Variants in IFT57 observed in about 807,000 individuals in gnomAD.
IFT57 encodes intraflagellar transport 57.
Under a neutral mutation model 56.8 loss-of-function variants are expected in IFT57, and 59 were observed. That is an observed-to-expected ratio of 1.04 (90% CI 0.84 to 1.29). The LOEUF is 1.29. Among genes scored for constraint, IFT57 ranks in the 50% most tolerant of loss-of-function variants. The pLI is 0.00. For missense variants in IFT57, 470 were observed against 522.1 expected (o/e 0.90, Z 0.97); for synonymous variants, 209 against 186.1 (o/e 1.12, Z -1.00).
At chr3:108,177,722 G>A (rs112252550) in intron 6 of IFT57, among the ~76,000 whole-genome samples, 5,407 of 151,734 alleles carry the variant, frequency 0.036, 127 homozygotes, top group Non-Finnish European at 0.055. Flanking sequence ...ATTTACTACA[G>A]GATATTTCTA....
At position 108,214,317 on chromosome 3, in the gene IFT57, C is replaced by A. The variant is rs1200188847; in HGVS notation, c.495-296G>T. On this transcript the variant is annotated intron_variant, in intron 3 of 10. Transcript: ENST00000264538. The stretch of plus-strand genomic sequence containing the variant: ...TGTATTTCTCATTATTTTTTACATA[C>A]AAGCACTGTATTTCATTGAACAATC... 2.6e-5 allele frequency among the ~76,000 whole-genome samples: 4 copies of A among 152,096 alleles called. No individual in the cohort carries two copies. In the East Asian group the frequency reaches 7.7e-4, roughly 29 times the overall value.
intron 5 of IFT57, among the ~76,000 whole-genome samples, chr3:108,205,997 T>TAG (rs1553742402): frequency 2.5e-5 from 3 of 119,432 alleles, no homozygotes; most frequent in Non-Finnish European, 3.3e-5. Context: ...AATATATTTA[T>TAG]GTTATATATT....
At chr3:108,179,239 A>C (rs377651234) in intron 6 of IFT57, among the ~76,000 whole-genome samples, 5 of 151,894 alleles carry the variant, frequency 3.3e-5, no homozygotes, top group Admixed American at 6.6e-5. Flanking sequence ...GGTAGGGCCA[A>C]GTGAGAGCTA....
chr3:108,185,879 G>A (rs905418633), intron 6 of IFT57, among the ~76,000 whole-genome samples: 1 of 152,024 alleles, frequency 6.6e-6, no homozygotes, highest in Non-Finnish European at 1.5e-5. Flanking sequence ...TGGTTCCATC[G>A]ATGCTTTATC....
intron 5 of IFT57, among the ~76,000 whole-genome samples, chr3:108,203,252 A>G (rs1444760274): frequency 6.6e-6 from 1 of 152,198 alleles, no homozygotes; most frequent in African/African-American, 2.4e-5. Context: ...CCCTCTGCCC[A>G]ATCCTGCTTT....
At chr3:108,176,080 T>C (rs967655463) in intron 6 of IFT57, among the ~76,000 whole-genome samples, 3 of 151,922 alleles carry the variant, frequency 2.0e-5, no homozygotes, top group African/African-American at 7.2e-5. Flanking sequence ...ACATTGACTC[T>C]ACCCTTCTCT....
At chr3:108,222,080 C>A (rs2080409233) in intron 1 of IFT57, 31 bp downstream of exon 1, 1 of 1,562,052 alleles carries the variant, frequency 6.4e-7, no homozygotes, top group East Asian at 2.5e-5. Context: ...GGCTAGCAGG[C>A]ACCCGGGCGC....
chr3:108,176,149 C>T (rs1242133235), intron 6 of IFT57, among the ~76,000 whole-genome samples: 1 of 151,812 alleles, frequency 6.6e-6, no homozygotes, highest in Non-Finnish European at 1.5e-5. Context: ...ACCGGTGAAA[C>T]CTTAATTCAA....
At chr3:108,179,526 T>G in intron 6 of IFT57, among the ~76,000 whole-genome samples, 1 of 152,028 alleles carries the variant, frequency 6.6e-6, no homozygotes, top group East Asian at 1.9e-4. Flanking sequence ...GAACATTATC[T>G]GTATTCTCTT....
rs953581508 is a variant in IFT57 at position 108,162,402 on chromosome 3, T to C, written c.*75A>G. 3.2e-6 allele frequency: 4 copies of C among 1,236,472 alleles called. No homozygotes were observed. The highest frequency in any genetic ancestry group is 4.5e-6 in the Non-Finnish European group (4 of 889,896). The allele number at this position is 1,236,472 out of a possible 1,614,324, so 76.6% of individuals were successfully genotyped here. ...TACCCATTGAACATAAAATTATGTT[T>C]TGAAATCTATGCAACATGAAATATA... On this transcript the variant is annotated 3_prime_UTR_variant, in exon 11 of 11. Transcript: ENST00000264538.
At chr3:108,175,508 A>G (rs183497958) in intron 6 of IFT57, among the ~76,000 whole-genome samples, 1 of 151,996 alleles carries the variant, frequency 6.6e-6, no homozygotes, top group Non-Finnish European at 1.5e-5. Context: ...ATGGTGATTC[A>G]CAGTACACCA....
intron 5 of IFT57, among the ~76,000 whole-genome samples, chr3:108,203,613 A>C (rs559314640): frequency 6.6e-6 from 1 of 152,212 alleles, no homozygotes; most frequent in African/African-American, 2.4e-5. Flanking sequence ...CCATAAGTAC[A>C]AAAATAGCAC....
intron 3 of IFT57, among the ~76,000 whole-genome samples, chr3:108,214,253 C>T (rs913096452): frequency 6.6e-6 from 1 of 152,146 alleles, no homozygotes; most frequent in African/African-American, 2.4e-5. Flanking sequence ...TGTTATCCAA[C>T]TTAATGCTTC....
chr3:108,187,953 T>A (rs2080193806), intron 6 of IFT57, among the ~76,000 whole-genome samples: 1 of 150,796 alleles, frequency 6.6e-6, no homozygotes, highest in African/African-American at 2.5e-5. Flanking sequence ...TTTTTTTTTT[T>A]TATACTTTAA....
At chr3:108,185,111 C>T (rs1162792113) in intron 6 of IFT57, among the ~76,000 whole-genome samples, 1 of 152,162 alleles carries the variant, frequency 6.6e-6, no homozygotes, top group Non-Finnish European at 1.5e-5. Flanking sequence ...GCAGCTATGA[C>T]AGCAGGCACA....
At chr3:108,183,128 A>G (rs2080160828) in intron 6 of IFT57, among the ~76,000 whole-genome samples, 1 of 152,122 alleles carries the variant, frequency 6.6e-6, no homozygotes, top group Admixed American at 6.6e-5. Context: ...TTATTTCTAG[A>G]GAACAAGAAT....
intron 4 of IFT57, among the ~76,000 whole-genome samples, chr3:108,209,936 G>GTGTT (rs1229733903): frequency 4.6e-5 from 7 of 151,762 alleles, no homozygotes; most frequent in Non-Finnish European, 1.0e-4. Flanking sequence ...GTGTGTGTGT[G>GTGTT]TACCTCCTAT....
intron 5 of IFT57, among the ~76,000 whole-genome samples, chr3:108,196,332 C>T (rs1052014084): frequency 2.0e-5 from 3 of 151,958 alleles, no homozygotes; most frequent in Non-Finnish European, 2.9e-5. Flanking sequence ...AAGACAAGGG[C>T]GCACACCCGT....
chr3:108,191,055 C>T (rs1330056467), intron 6 of IFT57, among the ~76,000 whole-genome samples: 9 of 152,088 alleles, frequency 5.9e-5, no homozygotes, highest in African/African-American at 1.7e-4. Context: ...CCTCCCAAAG[C>T]GTTGGGATTA....
Sources: gnomAD v4.1 joint callset for allele counts (sites outside exome capture counted in the v4.1 genomes callset) on GRCh38, gnomAD v4.1.1 for gene constraint, MANE v1.5 for transcripts, NCBI Gene and HGNC (gene_info 2026-07-23, HGNC 2026-07-21) for gene names.